Variants in CCDC60 observed in about 807,000 individuals in gnomAD.
The protein encoded by CCDC60 is coiled-coil domain-containing protein 60.
A neutral mutation model predicts 63.5 loss-of-function variants in CCDC60; 54 were observed. The ratio of observed to expected loss-of-function variants is 0.85; its 90% CI spans 0.68 to 1.07. CCDC60 has a LOEUF of 1.07. Ranked by LOEUF, CCDC60 falls within the 50% of genes least tolerant of loss-of-function variation. The pLI is 0.00. For synonymous variants in CCDC60, 206 were observed against 238.8 expected, an observed-to-expected ratio of 0.86 and a Z score of 1.27; for missense variants, 651 against 684.3, an observed-to-expected ratio of 0.95 and a Z score of 0.54.
At chr12:119,505,378 C>A in intron 7 of CCDC60, 75 bp downstream of exon 7, 1 of 946,440 alleles carries the variant, frequency 1.1e-6, no homozygotes, top group Non-Finnish European at 1.6e-6. Flanking sequence ...AACCCTCCTG[C>A]CTCAAGTCCA....
chr12:119,524,592 A>G (rs1373620482), intron 11 of CCDC60: 1 of 277,984 alleles, frequency 3.6e-6, no homozygotes, highest in Non-Finnish European at 5.5e-6. Flanking sequence ...TAAACAGGAA[A>G]GTAGCACACA....
At chr12:119,414,253 A>G (rs1331844494) in intron 1 of CCDC60, among the ~76,000 whole-genome samples, 1 of 152,100 alleles carries the variant, frequency 6.6e-6, no homozygotes, top group African/African-American at 2.4e-5. Context: ...TCCTGACCTC[A>G]AGAGATCTGC....
chr12:119,341,262 A>G (rs4767811), intron 1 of CCDC60, among the ~76,000 whole-genome samples: 99,653 of 151,622 alleles, frequency 0.66, 33,146 homozygotes, highest in East Asian at 0.82. Flanking sequence ...TCCTGACACG[A>G]GAAGAGCGAT....
intron 1 of CCDC60, among the ~76,000 whole-genome samples, chr12:119,416,919 G>C (rs951454254): frequency 1.3e-5 from 2 of 152,036 alleles, no homozygotes; most frequent in Admixed American, 6.5e-5. Context: ...CCAGGAGTTT[G>C]AGACCAGCCT....
chr12:119,475,044 G>A (rs1951145974), intron 3 of CCDC60, among the ~76,000 whole-genome samples: 1 of 152,092 alleles, frequency 6.6e-6, no homozygotes, highest in African/African-American at 2.4e-5. Flanking sequence ...TGGCTGTTGG[G>A]ATCCCAGAAT....
At chr12:119,500,952 C>A (rs1951837116) in intron 6 of CCDC60, among the ~76,000 whole-genome samples, 1 of 152,174 alleles carries the variant, frequency 6.6e-6, no homozygotes, top group African/African-American at 2.4e-5. Flanking sequence ...GATACAGATT[C>A]TTTTTACCCA....
chr12:119,433,308 G>A, intron 2 of CCDC60: 2 of 668,094 alleles, frequency 3.0e-6, no homozygotes, highest in Non-Finnish European at 5.4e-6. Context: ...TCTTCAGTTG[G>A]TCAGCTGAGT....
chr12:119,386,914 G>A (rs147212635), intron 1 of CCDC60, among the ~76,000 whole-genome samples: 1 of 151,974 alleles, frequency 6.6e-6, no homozygotes, highest in East Asian at 1.9e-4. Context: ...GAAAACACAG[G>A]GTGGATATTT....
rs573439574 is a variant in CCDC60, at chr12:119,410,145, T to G, written c.91-18538T>G. On this transcript the variant is annotated intron_variant, in intron 1 of 13. Transcript: ENST00000327554. The surrounding 1 kb of genome is among the most constrained non-coding windows in gnomAD (Gnocchi z 4.0). ...TCAGGACACAAACAGTGCTACCATG[T>G]GTATTTGTGTGAAAGGTAGATGCTA... Among the ~76,000 whole-genome samples the G allele has an allele frequency of 9.2e-5, 14 of 151,992 alleles. No homozygotes were observed. The South Asian group carries it at 2.9e-3, about 32-fold the overall frequency.
chr12:119,337,824 T>TTG (rs60009617), intron 1 of CCDC60, among the ~76,000 whole-genome samples: 10,565 of 140,558 alleles, frequency 0.075, 459 homozygotes, highest in African/African-American at 0.13. Context: ...GTGTGTGTAT[T>TTG]TGTGTGTGTG....
At chr12:119,483,338 C>T (rs1214895187) in intron 4 of CCDC60, among the ~76,000 whole-genome samples, 2 of 152,230 alleles carry the variant, frequency 1.3e-5, no homozygotes, top group African/African-American at 2.4e-5. Flanking sequence ...CCCTTCAGTC[C>T]CTGTGTGATC....
intron 2 of CCDC60, among the ~76,000 whole-genome samples, chr12:119,470,477 T>C (rs543067949): frequency 6.6e-6 from 1 of 152,324 alleles, no homozygotes; most frequent in South Asian, 2.1e-4. Flanking sequence ...ATTTGAAAAA[T>C]GCTGGAAAAT....
intron 1 of CCDC60, among the ~76,000 whole-genome samples, chr12:119,416,301 C>T (rs1956697738): frequency 6.6e-6 from 1 of 151,944 alleles, no homozygotes; most frequent in Non-Finnish European, 1.5e-5. Context: ...ATTGCTTGAA[C>T]CCAGGAGGCA....
chr12:119,487,014 G>T (rs1379132358), intron 4 of CCDC60, among the ~76,000 whole-genome samples: 3 of 152,060 alleles, frequency 2.0e-5, no homozygotes, highest in Non-Finnish European at 4.4e-5. Context: ...CGGGGAGGGG[G>T]GTGGCTGGCC....
chr12:119,392,796 C>T (rs772083313), intron 1 of CCDC60, among the ~76,000 whole-genome samples: 18 of 152,152 alleles, frequency 1.2e-4, no homozygotes, highest in Non-Finnish European at 1.8e-4. Flanking sequence ...GACTTTGCCT[C>T]CTAAACGAAA....
At chr12:119,347,169 C>T (rs1437246671) in intron 1 of CCDC60, among the ~76,000 whole-genome samples, 2 of 151,986 alleles carry the variant, frequency 1.3e-5, no homozygotes, top group African/African-American at 2.4e-5. Flanking sequence ...GATGTATAAG[C>T]CATTTCTAAT....
intron 5 of CCDC60, among the ~76,000 whole-genome samples, chr12:119,491,530 A>G (rs1158022795): frequency 1.3e-5 from 2 of 151,952 alleles, no homozygotes; most frequent in Admixed American, 1.3e-4. Flanking sequence ...GGGTTTCACC[A>G]TGTTAGCCAG....
intron 2 of CCDC60, among the ~76,000 whole-genome samples, chr12:119,429,369 A>G (rs4766942): frequency 0.28 from 42,221 of 151,806 alleles, 6,022 homozygotes; most frequent in Non-Finnish European, 0.33. Flanking sequence ...GTGAGATGGA[A>G]TTTTTTTCCC....
chr12:119,400,210 C>T (rs759284871), intron 1 of CCDC60, among the ~76,000 whole-genome samples: 24 of 152,156 alleles, frequency 1.6e-4, no homozygotes, highest in Admixed American at 3.3e-4. Flanking sequence ...CCACCACGCC[C>T]GGCTAATTTT....
Sources: allele counts gnomAD v4.1 joint callset (sites outside exome capture counted in the v4.1 genomes callset), GRCh38; gene constraint gnomAD v4.1.1; non-coding constraint Gnocchi (gnomAD v3.1); transcripts MANE v1.5; gene names NCBI Gene and HGNC (gene_info 2026-07-23, HGNC 2026-07-21).